Variants in MEGF9 observed in about 807,000 individuals in gnomAD.
MEGF9 encodes the protein multiple EGF like domains 9.
Under a neutral mutation model 46.8 loss-of-function variants are expected in MEGF9, and 6 were observed. The ratio of observed to expected loss-of-function variants is 0.13; its 90% CI spans 0.07 to 0.25. The LOEUF (loss-of-function observed/expected upper bound fraction) is 0.25, where lower values mean the gene tolerates loss of function less well. MEGF9 is among the 10% of genes least tolerant of loss of function. The pLI is 1.00. For missense variants in MEGF9, 683 were observed against 792.4 expected, an observed-to-expected ratio of 0.86 and a Z score of 1.66; for synonymous variants, 302 against 330.7, an observed-to-expected ratio of 0.91 and a Z score of 0.94.
rs2043431277 is a variant in MEGF9, at chr9:120,608,739, T to G, written c.1088-729A>C. 5.3e-5 allele frequency among the ~76,000 whole-genome samples: 8 copies of G among 152,326 alleles called. No individual in the cohort carries two copies. In the South Asian group the frequency reaches 1.7e-3, roughly 32 times the overall value. On this transcript the variant is annotated intron_variant, in intron 4 of 5. Coordinates refer to ENST00000373930, the MANE Select transcript of MEGF9 (RefSeq NM_001080497.3). ...CTTCCTGAGTCCTGTCTTCCTCCAA[T>G]GTTCCCTAGATCTCAGTGAATGGTA... is the stretch of plus-strand genomic sequence containing the variant.
At chr9:120,702,912 CTA>C (rs1295098833) in intron 1 of MEGF9, among the ~76,000 whole-genome samples, 1 of 152,188 alleles carries the variant, frequency 6.6e-6, no homozygotes, top group African/African-American at 2.4e-5. Flanking sequence ...CTTGCTTTTA[CTA>C]GACAGATAAC....
intron 1 of MEGF9, among the ~76,000 whole-genome samples, chr9:120,679,917 GAC>G (rs1325586561): frequency 1.5e-5 from 2 of 132,682 alleles, no homozygotes; most frequent in African/African-American, 5.4e-5. Flanking sequence ...CAGCCTGGGT[GAC>G]AGAGTGAGAC....
At chr9:120,713,523 C>T (rs1243776047) in intron 1 of MEGF9, among the ~76,000 whole-genome samples, 3 of 152,140 alleles carry the variant, frequency 2.0e-5, no homozygotes, top group Non-Finnish European at 4.4e-5. Context: ...AGATGAGATG[C>T]CTTCCACCCA....
chr9:120,691,621 T>C (rs2132338347), intron 1 of MEGF9: 1 of 273,898 alleles, frequency 3.7e-6, no homozygotes, highest in East Asian at 1.6e-4. Context: ...CCAATGACAA[T>C]TTTAAGTAAC....
intron 2 of MEGF9, among the ~76,000 whole-genome samples, chr9:120,657,520 A>G (rs565036231): frequency 6.6e-6 from 1 of 152,316 alleles, no homozygotes; most frequent in East Asian, 1.9e-4. Flanking sequence ...AGAAGTAAAC[A>G]CTTTTCTATT....
chr9:120,667,456 C>T (rs1271163341), intron 1 of MEGF9, among the ~76,000 whole-genome samples: 1 of 152,074 alleles, frequency 6.6e-6, no homozygotes, highest in Non-Finnish European at 1.5e-5. Flanking sequence ...GATTACTATC[C>T]TTTTTTCATA....
chr9:120,713,960 A>C lies in MEGF9; in HGVS notation c.399T>G (p.Thr133=), dbSNP rs746741069. ...SPTTPPAAER[T]STTSQAPTRP... ...TGGTCGGCGCCTGAGAGGTGGTCGA[A>C]GTGCGTTCCGCCGCCGGAGGGGTGG... The change falls in exon 1 of 6, where the codon ACT becomes ACG. Residue 133 remains threonine, a synonymous_variant. Transcript: ENST00000373930. 1.4e-6 allele frequency: 2 copies of C among 1,381,866 alleles called. No homozygotes were observed. The highest frequency in any genetic ancestry group is 3.5e-5 in the South Asian group (2 of 56,574). The allele number at this position is 1,381,866 out of a possible 1,614,324, so 85.6% of individuals were successfully genotyped here.
chr9:120,625,833 C>CAAAAAA (rs763605820), intron 2 of MEGF9, among the ~76,000 whole-genome samples: 6 of 113,180 alleles, frequency 5.3e-5, no homozygotes, highest in African/African-American at 2.3e-4. Context: ...CTCTGTCTCA[C>CAAAAAA]AAAAAAAAAA....
Position 120,607,975 on chromosome 9 carries a change from T to C in MEGF9, c.1123A>G (p.Lys375Glu), listed in dbSNP as rs1477169748. 1 of 1,614,014 alleles carries C rather than the reference T, an allele frequency of 6.2e-7. No individual in the cohort carries two copies. Among genetic ancestry groups the C allele is most frequent in the Non-Finnish European group, 8.5e-7 (1 of 1,179,852 alleles). Residue 375 changes from lysine to glutamate, a missense_variant, in exon 5 of 6, where the codon AAA (lysine) becomes GAA (glutamate). Lys to Glu is a moderately conservative substitution (Grantham distance 56). This residue lies in a region of MEGF9 where 313 missense variants were observed against 421.1 expected (regional missense o/e 0.74). Coordinates refer to ENST00000373930, the MANE Select transcript of MEGF9 (RefSeq NM_001080497.3). ...CAGTTCGGGCCTATGTAACCATCTT[T>C]ACACTGGTCACATTCAGGTTCCAAT... The part of the protein sequence containing the change: ...SELEPECDQC[K>E]DGYIGPNCNK...
At position 120,602,405 on chromosome 9, in the gene MEGF9, G is replaced by A. The variant is rs1427549100; in HGVS notation, c.*2785C>T. 6 of 152,616 alleles carry A rather than the reference G, an allele frequency of 3.9e-5. No homozygotes were observed. Among genetic ancestry groups the A allele is most frequent in the African/African-American group, 1.4e-4 (6 of 41,454 alleles). The allele number at this position is 152,616 out of a possible 1,614,324, so 9.5% of individuals were successfully genotyped here. On this transcript the variant is annotated 3_prime_UTR_variant, in exon 6 of 6. Transcript: ENST00000373930. Reference sequence around the variant, plus strand: ...AAGAACATTGTGCAGTGCATCCCATGCTAGTTTCCTAGAATGATTTCAGTG... The same window carrying A: ...AAGAACATTGTGCAGTGCATCCCATACTAGTTTCCTAGAATGATTTCAGTG...
At position 120,705,345 on chromosome 9, in the gene MEGF9, A is replaced by C. The variant is rs560352289; in HGVS notation, c.601+8413T>G. ...TTAAGGACTTTTTGTTCATCTAGAAAGACGTCTTGGAAGAATTAAGCTTTG... is the reference window on the plus strand; with the variant it reads ...TTAAGGACTTTTTGTTCATCTAGAACGACGTCTTGGAAGAATTAAGCTTTG... On this transcript the variant is annotated intron_variant, in intron 1 of 5. Transcript: ENST00000373930. 3.3e-5 allele frequency among the ~76,000 whole-genome samples: 5 copies of C among 152,058 alleles called. No individual in the cohort carries two copies. In the East Asian group the frequency reaches 9.6e-4, roughly 29 times the overall value.
chr9:120,658,822 T>G (rs2043689059), intron 2 of MEGF9, among the ~76,000 whole-genome samples: 1 of 152,194 alleles, frequency 6.6e-6, no homozygotes, highest in African/African-American at 2.4e-5. Flanking sequence ...CATAATAGTT[T>G]AAAGATAATT....
At chr9:120,706,433 A>C (rs2043929148) in intron 1 of MEGF9, among the ~76,000 whole-genome samples, 1 of 152,118 alleles carries the variant, frequency 6.6e-6, no homozygotes, top group African/African-American at 2.4e-5. Context: ...CTGGCCCCCC[A>C]AAAAATATGA....
intron 4 of MEGF9, 69 bp downstream of exon 4, chr9:120,612,327 T>A (rs1353791228): frequency 1.4e-6 from 2 of 1,462,178 alleles, no homozygotes; most frequent in Non-Finnish European, 9.2e-7. Context: ...TATTCATCAA[T>A]GCAACTTATA....
chr9:120,679,564 G>C (rs2043789198), intron 1 of MEGF9, among the ~76,000 whole-genome samples: 1 of 151,980 alleles, frequency 6.6e-6, no homozygotes. Context: ...CATGGCACAT[G>C]TATACATATG....
chr9:120,630,597 T>A (rs1263175491), intron 2 of MEGF9, among the ~76,000 whole-genome samples: 1 of 152,268 alleles, frequency 6.6e-6, no homozygotes, highest in Non-Finnish European at 1.5e-5. Context: ...CTGTTTTTCA[T>A]AATGGCTGTG....
rs749876021 is a variant in MEGF9, at chr9:120,605,388, C to T, written c.1611G>A (p.Met537Ile). Residue 537 changes from methionine to isoleucine, a missense_variant, in exon 6 of 6, where the codon ATG becomes ATA. Around this residue, in one of 2 missense-constraint regions of MEGF9, gnomAD observed 313 missense variants for 421.1 expected, o/e 0.74. Transcript: ENST00000373930. This position sits in a 1 kb window ranked among gnomAD's most constrained non-coding sequence, Gnocchi z 4.0. ...LLMGFVGAVY[M>I]YREYQNRKLN... ...GTTTCCGGTTTTGGTACTCGCGGTA[C>T]ATATATACAGCCCCCACAAATCCCA... is the stretch of plus-strand genomic sequence containing the variant. 3.7e-6 allele frequency: 6 copies of T among 1,614,022 alleles called. No homozygotes were observed. The Admixed American group carries it at 8.3e-5, about 22-fold the overall frequency.
intron 1 of MEGF9, among the ~76,000 whole-genome samples, chr9:120,690,233 A>G (rs563062872): frequency 6.6e-6 from 1 of 152,314 alleles, no homozygotes; most frequent in South Asian, 2.1e-4. Flanking sequence ...AGGACATAAA[A>G]ATTAAAGAAT....
At chr9:120,636,392 T>C (rs1056920644) in intron 2 of MEGF9, among the ~76,000 whole-genome samples, 1 of 152,212 alleles carries the variant, frequency 6.6e-6, no homozygotes. Context: ...TTATTCAATG[T>C]CAGCAATAAC....
Sources: allele counts gnomAD v4.1 joint callset (sites outside exome capture counted in the v4.1 genomes callset), GRCh38; gene constraint gnomAD v4.1.1; regional missense constraint gnomAD v4.1.1; non-coding constraint Gnocchi (gnomAD v3.1); transcripts MANE v1.5; gene names NCBI Gene and HGNC (gene_info 2026-07-23, HGNC 2026-07-21).